Variants in NR1I2 observed in about 807,000 individuals in gnomAD.
The protein encoded by NR1I2 is nuclear receptor subfamily 1 group I member 2.
Under a neutral mutation model 43.3 loss-of-function variants are expected in NR1I2, and 42 were observed. The ratio of observed to expected loss-of-function variants is 0.97; its 90% CI spans 0.76 to 1.26. NR1I2 has a LOEUF of 1.26. Ranked by LOEUF, NR1I2 falls within the 50% of genes most tolerant of loss-of-function variation. The pLI is 0.00. For missense variants in NR1I2, 559 were observed against 566.7 expected, an observed-to-expected ratio of 0.99 and a Z score of 0.14; for synonymous variants, 229 against 215.0, an observed-to-expected ratio of 1.06 and a Z score of -0.57.
At chr3:119,805,717 C>CGAA (rs561350711) in intron 1 of NR1I2, among the ~76,000 whole-genome samples, 1 of 96,622 alleles carries the variant, frequency 1.0e-5, no homozygotes, top group African/African-American at 3.9e-5. Flanking sequence ...TCCCCCCCAC[C>CGAA]AAAAAAAAAA....
rs1412966426 is a variant in NR1I2, at chr3:119,812,756, C to A, written c.590C>A (p.Ala197Asp). 2 of 1,614,218 alleles carry A rather than the reference C, an allele frequency of 1.2e-6. No homozygotes were observed. The highest frequency in any genetic ancestry group is 1.1e-5 in the South Asian group (1 of 91,086). Reference sequence around the variant, plus strand: ...CAGGCCCCATCGAGGGAAGAAGCTGCCAAGTGGAGCCAGGTCCGGAAAGAT... The same window carrying A: ...CAGGCCCCATCGAGGGAAGAAGCTGACAAGTGGAGCCAGGTCCGGAAAGAT... The change falls in exon 5 of 9, where the codon GCC becomes GAC. Residue 197 changes from alanine (A) to aspartate (D), a missense_variant. Physicochemically the swap from Ala to Asp is moderately radical, Grantham distance 126. Coordinates refer to ENST00000393716, the MANE Select transcript of NR1I2 (RefSeq NM_003889.4).
intron 8 of NR1I2, 82 bp downstream of exon 8, chr3:119,815,913 C>CAG (rs1406382955): frequency 7.7e-6 from 9 of 1,173,468 alleles, no homozygotes; most frequent in African/African-American, 4.6e-5. Flanking sequence ...ACTTCATGGC[C>CAG]AGAGGGTGGC....
Position 119,812,803 on chromosome 3 carries a change from C to T in NR1I2, c.637C>T (p.Leu213=), listed in dbSNP as rs765356954. ...AGATCTGTGCTCTTTGAAGGTCTCT[C>T]TGCAGCTGCGGGGGGAGGATGGCAG... is the stretch of plus-strand genomic sequence containing the variant. The change falls in exon 5 of 9, where the codon CTG becomes TTG. Residue 213 remains leucine, a synonymous_variant. Coordinates refer to ENST00000393716, the MANE Select transcript of NR1I2 (RefSeq NM_003889.4). 10 of 1,614,116 alleles carry T rather than the reference C, an allele frequency of 6.2e-6. No individual in the cohort carries two copies. In the African/African-American group the frequency reaches 1.2e-4, roughly 19 times the overall value.
Position 119,812,818 on chromosome 3 carries a change from G to C in NR1I2, c.652G>C (p.Glu218Gln), listed in dbSNP as rs147984184. ...GAAGGTCTCTCTGCAGCTGCGGGGG[G>C]AGGATGGCAGTGTCTGGAACTACAA... The change falls in exon 5 of 9, where the codon GAG becomes CAG. Residue 218 changes from glutamate to glutamine, a missense_variant. Physicochemically the swap from Glu to Gln is conservative, Grantham distance 29 (BLOSUM62 2). Around this residue, in one of 3 missense-constraint regions of NR1I2, gnomAD observed 323 missense variants for 312.2 expected, o/e 1.03. Transcript: ENST00000393716. The C allele has an allele frequency of 2.5e-6, 4 of 1,614,242 alleles. No individual in the cohort carries two copies. The highest frequency in any genetic ancestry group is 3.4e-6 in the Non-Finnish European group (4 of 1,180,046).
At chr3:119,792,736 G>C (rs752782401) in intron 1 of NR1I2, among the ~76,000 whole-genome samples, 1 of 152,080 alleles carries the variant, frequency 6.6e-6, no homozygotes, top group Non-Finnish European at 1.5e-5. Flanking sequence ...TTAGCTGGAC[G>C]TGGTGGCATG....
chr3:119,798,949 T>C (rs1458218213), intron 1 of NR1I2, among the ~76,000 whole-genome samples: 2 of 152,184 alleles, frequency 1.3e-5, no homozygotes, highest in Non-Finnish European at 2.9e-5. Flanking sequence ...CACGAACCGG[T>C]TGATGAATAT....
intron 5 of NR1I2, 135 bp downstream of exon 5, chr3:119,813,095 C>CA: frequency 9.7e-7 from 1 of 1,026,380 alleles, no homozygotes; most frequent in Non-Finnish European, 1.5e-6. Flanking sequence ...GCCCTTTCCC[C>CA]GGGCAGCCAG....
chr3:119,817,388 T>C lies in NR1I2; in HGVS notation c.*176T>C, dbSNP rs1230734161. The C allele has an allele frequency of 3.1e-5, 46 of 1,482,566 alleles. No homozygotes were observed. In the Admixed American group the frequency reaches 9.4e-4, roughly 30 times the overall value. 91.8% of individuals were successfully genotyped at this position (1,482,566 alleles called of 1,614,324 possible). The stretch of plus-strand genomic sequence containing the variant: ...TAGCATTCCTCAGGAAGGACATGGG[T>C]GCCCCCCACCCCCAGTTCAGTCTGT... On this transcript the variant is annotated 3_prime_UTR_variant, in exon 9 of 9. Coordinates refer to ENST00000393716, the MANE Select transcript of NR1I2 (RefSeq NM_003889.4).
intron 1 of NR1I2, among the ~76,000 whole-genome samples, chr3:119,783,148 G>C (rs562096168): frequency 1.3e-4 from 20 of 151,956 alleles, no homozygotes; most frequent in African/African-American, 4.8e-4. Flanking sequence ...GGCCTCAGAG[G>C]CTTATTTAAT....
chr3:119,792,714 G>GA (rs149113462), intron 1 of NR1I2, among the ~76,000 whole-genome samples: 6,589 of 149,716 alleles, frequency 0.044, 198 homozygotes, highest in Middle Eastern at 0.092. Flanking sequence ...TCTCAAAAAA[G>GA]AAAAAAAAAA....
intron 3 of NR1I2, chr3:119,810,443 C>A: frequency 1.7e-6 from 1 of 577,106 alleles, no homozygotes; most frequent in Non-Finnish European, 3.1e-6. Context: ...CTGGACAGGG[C>A]GTGCCCTCTG....
At chr3:119,785,088 C>T (rs899014733) in intron 1 of NR1I2, among the ~76,000 whole-genome samples, 5 of 152,104 alleles carry the variant, frequency 3.3e-5, no homozygotes, top group African/African-American at 1.2e-4. Flanking sequence ...ATTGGTTTTT[C>T]TTTGCCATTC....
intron 1 of NR1I2, among the ~76,000 whole-genome samples, chr3:119,798,557 G>A (rs1044482759): frequency 6.7e-6 from 1 of 149,992 alleles, no homozygotes; most frequent in African/African-American, 2.5e-5. Context: ...GGAGAATGGC[G>A]TGAACCCGGG....
At chr3:119,782,877 A>G (rs1178812048) in intron 1 of NR1I2, 2 of 1,574,948 alleles carry the variant, frequency 1.3e-6, no homozygotes, top group Non-Finnish European at 1.7e-6. Flanking sequence ...TCTACTATTG[A>G]AAGGGCACCT....
chr3:119,808,543 C>T (rs1455522845), intron 2 of NR1I2, among the ~76,000 whole-genome samples: 1 of 152,268 alleles, frequency 6.6e-6, no homozygotes, highest in African/African-American at 2.4e-5. Flanking sequence ...ACAGAAGAGG[C>T]TGCCCAAGCA....
Position 119,811,571 on chromosome 3 carries a change from C to A in NR1I2, c.364C>A (p.Arg122=), listed in dbSNP as rs533749078. The stretch of plus-strand genomic sequence containing the variant: ...GTCCGACGAGGCCGTGGAGGAGAGG[C>A]GGGCCTTGATCAAGCGGAAGAAAAG... The change falls in exon 4 of 9, where the codon CGG becomes AGG. Residue 122 remains arginine (R), a synonymous_variant. Transcript: ENST00000393716. 1 of 1,613,462 alleles carries A rather than the reference C, an allele frequency of 6.2e-7. No individual in the cohort carries two copies. The highest frequency in any genetic ancestry group is 1.7e-5 in the Admixed American group (1 of 59,930).
chr3:119,805,715 A>C (rs9843562), intron 1 of NR1I2, among the ~76,000 whole-genome samples: 62,745 of 84,088 alleles, frequency 0.75, 21,454 homozygotes, highest in Non-Finnish European at 0.81. Flanking sequence ...CCTCCCCCCC[A>C]CCAAAAAAAA....
intron 1 of NR1I2, among the ~76,000 whole-genome samples, chr3:119,795,780 C>T (rs2054991039): frequency 6.6e-6 from 1 of 152,252 alleles, no homozygotes; most frequent in African/African-American, 2.4e-5. Context: ...TAGATCATCC[C>T]TTTTCTAGTA....
At chr3:119,786,810 CTG>C (rs2054848685) in intron 1 of NR1I2, among the ~76,000 whole-genome samples, 1 of 152,016 alleles carries the variant, frequency 6.6e-6, no homozygotes, top group African/African-American at 2.4e-5. Context: ...CTTTGGCTAT[CTG>C]AGTTTCCTCT....
Sources: gnomAD v4.1 joint callset for allele counts (sites outside exome capture counted in the v4.1 genomes callset) on GRCh38, gnomAD v4.1.1 for gene constraint, gnomAD v4.1.1 regional missense constraint, MANE v1.5 for transcripts, NCBI Gene and HGNC (gene_info 2026-07-23, HGNC 2026-07-21) for gene names.